NTRK3: variants seen among roughly 807,000 people sequenced by gnomAD.
NTRK3 encodes neurotrophic receptor tyrosine kinase 3, also known as NT-3 growth factor receptor.
Under a neutral mutation model 91.7 loss-of-function variants are expected in NTRK3, and 24 were observed. The observed-to-expected ratio is 0.26, with a 90% CI of 0.19 to 0.37. The LOEUF (loss-of-function observed/expected upper bound fraction) is 0.37, where lower values mean the gene tolerates loss of function less well. Ranked by LOEUF, NTRK3 falls within the 10% of genes least tolerant of loss-of-function variation. The pLI, the probability that NTRK3 is intolerant of heterozygous loss-of-function variation, is 1.00. For synonymous variants in NTRK3, 483 were observed against 404.0 expected (o/e 1.20, Z -2.34); for missense variants, 880 against 1,068.9 (o/e 0.82, Z 2.46).
At chr15:87,941,577 C>G (rs1027863483) in intron 14 of NTRK3, among the ~76,000 whole-genome samples, 1 of 152,086 alleles carries the variant, frequency 6.6e-6, no homozygotes, top group African/African-American at 2.4e-5. Flanking sequence ...AGACTACTAA[C>G]GGGTAGCTAA....
intron 3 of NTRK3, among the ~76,000 whole-genome samples, chr15:88,189,495 C>T (rs1248414867): frequency 6.6e-6 from 1 of 151,576 alleles, no homozygotes; most frequent in Non-Finnish European, 1.5e-5. Flanking sequence ...TCACTGCAAC[C>T]TCTGCAGTGG....
At chr15:88,152,844 T>A (rs866198628) in intron 5 of NTRK3, among the ~76,000 whole-genome samples, 22 of 152,204 alleles carry the variant, frequency 1.4e-4, no homozygotes, top group African/African-American at 5.3e-4. Context: ...TAATCTGGTA[T>A]CTGCCCACTT....
intron 13 of NTRK3, among the ~76,000 whole-genome samples, chr15:88,090,079 G>A (rs1010759294): frequency 3.3e-5 from 5 of 152,092 alleles, no homozygotes; most frequent in African/African-American, 4.8e-5. Flanking sequence ...CGAGATGTCT[G>A]TGAAGCCCTC....
At chr15:88,151,687 G>A (rs952266850) in intron 5 of NTRK3, among the ~76,000 whole-genome samples, 32 of 152,310 alleles carry the variant, frequency 2.1e-4, no homozygotes, top group African/African-American at 7.2e-4. Context: ...GAGACATTAA[G>A]CCCCATCCAA....
At chr15:88,166,593 G>T (rs1192576977) in intron 5 of NTRK3, among the ~76,000 whole-genome samples, 1 of 152,218 alleles carries the variant, frequency 6.6e-6, no homozygotes, top group African/African-American at 2.4e-5. Context: ...GAGGCTGGGA[G>T]TTGAGTAAGC....
At chr15:87,929,466 G>T in intron 16 of NTRK3, 32 bp from the exon 17 acceptor site, 1 of 1,611,458 alleles carries the variant, frequency 6.2e-7, no homozygotes, top group South Asian at 1.1e-5. Context: ...AGAGGGGGCA[G>T]AGAGAAATCA....
chr15:87,980,484 T>C (rs2141360411), intron 14 of NTRK3, among the ~76,000 whole-genome samples: 1 of 152,334 alleles, frequency 6.6e-6, no homozygotes, highest in East Asian at 1.9e-4. Flanking sequence ...TGTGTATGTG[T>C]TTCCATGTGT....
rs2052591010 is a variant in NTRK3 at position 88,243,845 on chromosome 15, G to C, written c.248+12061C>G. Reference sequence around the variant, plus strand: ...GTCAGTTGCCCATGTGGTTTCTCCAGTTGTGACTTCGTACTGTGGGCCCCA... The same window carrying C: ...GTCAGTTGCCCATGTGGTTTCTCCACTTGTGACTTCGTACTGTGGGCCCCA... On this transcript the variant is annotated intron_variant, in intron 3 of 18. Coordinates refer to ENST00000394480, the Ensembl canonical transcript of NTRK3. The surrounding 1 kb of genome is among the most constrained non-coding windows in gnomAD (Gnocchi z 4.8). Among the ~76,000 whole-genome samples the C allele has an allele frequency of 6.6e-6, 1 of 152,088 alleles. No homozygotes were observed. Among genetic ancestry groups the C allele is most frequent in the South Asian group, 2.1e-4 (1 of 4,822 alleles).
At chr15:88,061,651 GCTT>G (rs1384059976) in intron 13 of NTRK3, among the ~76,000 whole-genome samples, 1 of 152,232 alleles carries the variant, frequency 6.6e-6, no homozygotes, top group East Asian at 1.9e-4. Context: ...CCCACTTCCT[GCTT>G]CTTCATCTGG....
At chr15:88,120,232 C>G (rs1348845130) in intron 13 of NTRK3, among the ~76,000 whole-genome samples, 2 of 152,184 alleles carry the variant, frequency 1.3e-5, no homozygotes, top group Non-Finnish European at 2.9e-5. Flanking sequence ...TTGGCAGGAG[C>G]CAGTCCCTCC....
chr15:88,109,652 T>C (rs1022239212), intron 13 of NTRK3, among the ~76,000 whole-genome samples: 2 of 152,138 alleles, frequency 1.3e-5, no homozygotes, highest in Non-Finnish European at 2.9e-5. Flanking sequence ...CGGGGGGCGT[T>C]GGGAAAGCCC....
At chr15:88,108,929 T>C (rs2051011812) in intron 13 of NTRK3, among the ~76,000 whole-genome samples, 2 of 152,158 alleles carry the variant, frequency 1.3e-5, no homozygotes. Context: ...AAGGAGAGAA[T>C]TCTCTCTCTA....
chr15:88,253,865 C>A (rs1464783343), intron 3 of NTRK3, among the ~76,000 whole-genome samples: 1 of 152,218 alleles, frequency 6.6e-6, no homozygotes, highest in Non-Finnish European at 1.5e-5. Context: ...AGTCCCCTCC[C>A]ATCACAGACC....
intron 14 of NTRK3, among the ~76,000 whole-genome samples, chr15:88,009,781 C>G (rs2076744497): frequency 6.6e-6 from 1 of 152,172 alleles, no homozygotes; most frequent in Non-Finnish European, 1.5e-5. Flanking sequence ...GACTTTTCTA[C>G]TAGGACAGGT....
At chr15:88,215,612 A>T (rs2049700882) in intron 3 of NTRK3, among the ~76,000 whole-genome samples, 1 of 152,190 alleles carries the variant, frequency 6.6e-6, no homozygotes, top group Non-Finnish European at 1.5e-5. Flanking sequence ...CTAGAATGAG[A>T]GATCCAGAAA....
At chr15:88,238,668 T>C (rs183718346) in intron 3 of NTRK3, among the ~76,000 whole-genome samples, 24 of 152,368 alleles carry the variant, frequency 1.6e-4, no homozygotes, top group Admixed American at 1.4e-3. Flanking sequence ...ACTTATTATA[T>C]TTTTCACCAG....
intron 13 of NTRK3, among the ~76,000 whole-genome samples, chr15:88,042,295 A>G (rs914317655): frequency 2.0e-5 from 3 of 152,230 alleles, no homozygotes; most frequent in African/African-American, 7.2e-5. Flanking sequence ...AAGAAAATCA[A>G]TTTCTTAATT....
chr15:87,938,087 G>A (rs1291629778), intron 15 of NTRK3, among the ~76,000 whole-genome samples: 1 of 152,134 alleles, frequency 6.6e-6, no homozygotes, highest in Non-Finnish European at 1.5e-5. Flanking sequence ...TTTCAGAGTG[G>A]CACCACTTAT....
intron 14 of NTRK3, among the ~76,000 whole-genome samples, chr15:88,032,425 A>T (rs2078628045): frequency 6.6e-6 from 1 of 152,100 alleles, no homozygotes; most frequent in African/African-American, 2.4e-5. Flanking sequence ...GTTTCCATTC[A>T]AAGGTACTCA....
Sources: gnomAD v4.1 joint callset for allele counts (sites outside exome capture counted in the v4.1 genomes callset) on GRCh38, gnomAD v4.1.1 for gene constraint, Gnocchi (gnomAD v3.1) non-coding constraint, MANE v1.5 for transcripts, NCBI Gene and HGNC (gene_info 2026-07-23, HGNC 2026-07-21) for gene names.